The following ADGRL3 variants were observed in gnomAD, a reference collection of about 807,000 sequenced individuals.
The protein encoded by ADGRL3 is adhesion G protein-coupled receptor L3.
Under a neutral mutation model 153.5 loss-of-function variants are expected in ADGRL3, and 62 were observed. That is an observed-to-expected ratio of 0.40 (90% CI 0.33 to 0.50). ADGRL3 has a LOEUF of 0.50. Among genes scored for constraint, ADGRL3 ranks in the 20% least tolerant of loss-of-function variants. ADGRL3 has a pLI of 0.47. For synonymous variants in ADGRL3, 710 were observed against 672.5 expected, an observed-to-expected ratio of 1.06 and a Z score of -0.86; for missense variants, 1,641 against 1,859.4, an observed-to-expected ratio of 0.88 and a Z score of 2.16.
chr4:61,959,423 C>G (rs1408357898), intron 17 of ADGRL3, among the ~76,000 whole-genome samples: 2 of 152,108 alleles, frequency 1.3e-5, no homozygotes, highest in Non-Finnish European at 1.5e-5. Flanking sequence ...AAAGACTTCA[C>G]TTTCTTTAGT....
rs539734020 is a variant in ADGRL3, at chr4:62,031,550, C to T, written c.3531C>T (p.Thr1177=). 6.2e-6 allele frequency: 10 copies of T among 1,610,252 alleles called. No homozygotes were observed. The highest frequency in any genetic ancestry group is 1.7e-5 in the Admixed American group (1 of 59,756). Reference sequence around the variant, plus strand: ...CAGTCATCATGGCCTATCTCTTCACCATTTTCAATTCTCTACAGGGAATGT... The same window carrying T: ...CAGTCATCATGGCCTATCTCTTCACTATTTTCAATTCTCTACAGGGAATGT... ...ESTVIMAYLF[T]IFNSLQGMFI... is the part of the protein sequence containing the mutation. The change falls in exon 23 of 27, where the codon ACC becomes ACT. Residue 1177 remains threonine, a synonymous_variant. Coordinates refer to ENST00000683033, the MANE Select transcript of ADGRL3 (RefSeq NM_001387552.1).
At chr4:61,847,584 G>T (rs1456817400) in intron 9 of ADGRL3, among the ~76,000 whole-genome samples, 1 of 102,166 alleles carries the variant, frequency 9.8e-6, no homozygotes, top group Non-Finnish European at 1.8e-5. Flanking sequence ...GTGTGTGTGT[G>T]TGTATATATA....
intron 2 of ADGRL3, among the ~76,000 whole-genome samples, chr4:61,472,393 C>A (rs189962920): frequency 6.6e-6 from 1 of 152,008 alleles, no homozygotes; most frequent in Non-Finnish European, 1.5e-5. Context: ...TTGGCCAGGG[C>A]GGCAGTCTCA....
intron 4 of ADGRL3, among the ~76,000 whole-genome samples, chr4:61,581,458 A>C (rs2098925136): frequency 6.6e-6 from 1 of 152,042 alleles, no homozygotes; most frequent in South Asian, 2.1e-4. Context: ...CCTCCACGGG[A>C]CAATTCCCTC....
intron 1 of ADGRL3, among the ~76,000 whole-genome samples, chr4:61,366,009 G>A (rs2151588015): frequency 6.6e-6 from 1 of 152,198 alleles, no homozygotes; most frequent in East Asian, 1.9e-4. Flanking sequence ...GTCTGAACTA[G>A]AGTTTACAAC....
chr4:61,934,745 C>T, intron 13 of ADGRL3, 95 bp from the exon 14 acceptor site: 4 of 882,784 alleles, frequency 4.5e-6, no homozygotes, highest in Non-Finnish European at 5.4e-6. Context: ...GCACACACTG[C>T]TGATCCTTGC....
chr4:61,750,155 T>C (rs1004675368), intron 8 of ADGRL3, among the ~76,000 whole-genome samples: 1 of 77,290 alleles, frequency 1.3e-5, no homozygotes, highest in African/African-American at 4.2e-5. Context: ...TGAAAACAAA[T>C]TGAGAAGAAA....
intron 1 of ADGRL3, among the ~76,000 whole-genome samples, chr4:61,207,269 A>G (rs536830279): frequency 1.3e-5 from 2 of 151,666 alleles, no homozygotes; most frequent in East Asian, 2.0e-4. Context: ...TCATTGTTCA[A>G]CTCCAACTTA....
At chr4:61,371,859 C>T (rs2096534338) in intron 1 of ADGRL3, among the ~76,000 whole-genome samples, 1 of 152,202 alleles carries the variant, frequency 6.6e-6, no homozygotes, top group South Asian at 2.1e-4. Context: ...CCATCACTTT[C>T]AGGTACACCA....
intron 6 of ADGRL3, among the ~76,000 whole-genome samples, chr4:61,718,269 C>T (rs1057502207): frequency 1.3e-5 from 2 of 151,894 alleles, no homozygotes; most frequent in African/African-American, 4.8e-5. Flanking sequence ...TTTAAATTTG[C>T]CTTTCTTAAT....
At position 61,655,651 on chromosome 4, in the gene ADGRL3, C is replaced by T. The variant is rs535180140; in HGVS notation, c.474-21175C>T. 7.2e-5 allele frequency among the ~76,000 whole-genome samples: 11 copies of T among 152,200 alleles called. No individual in the cohort carries two copies. In the East Asian group the frequency reaches 1.5e-3, roughly 21 times the overall value. On this transcript the variant is annotated intron_variant, in intron 5 of 26. Coordinates refer to ENST00000683033, the MANE Select transcript of ADGRL3 (RefSeq NM_001387552.1). The stretch of plus-strand genomic sequence containing the variant: ...GGGTTGTGGTCAGTAGCAAGAAGGT[C>T]GTCATTTTTCTCTTAATTGATAGAT...
intron 8 of ADGRL3, among the ~76,000 whole-genome samples, chr4:61,784,284 T>C (rs1445700700): frequency 6.6e-6 from 1 of 152,136 alleles, no homozygotes; most frequent in East Asian, 1.9e-4. Flanking sequence ...AAAGATGAAA[T>C]CTAACACAGC....
chr4:61,590,931 T>C (rs1209204051), intron 5 of ADGRL3, among the ~76,000 whole-genome samples: 1 of 152,196 alleles, frequency 6.6e-6, no homozygotes, highest in Non-Finnish European at 1.5e-5. Flanking sequence ...GCTGTTCTGC[T>C]GTGGACGTTT....
chr4:61,932,297 A>G (rs571889129), intron 13 of ADGRL3, among the ~76,000 whole-genome samples: 1 of 152,256 alleles, frequency 6.6e-6, no homozygotes, highest in Non-Finnish European at 1.5e-5. Context: ...TTCGTTGTGG[A>G]GTATGATGTT....
In ADGRL3 at chr4:61,912,734, C is replaced by T. The variant is rs761017943; in HGVS notation, c.2089C>T (p.Arg697Cys). 3.7e-6 allele frequency: 6 copies of T among 1,612,930 alleles called. No individual in the cohort carries two copies. Among genetic ancestry groups the T allele is most frequent in the Admixed American group, 1.7e-5 (1 of 59,948 alleles). The part of the protein sequence containing the change: ...RSLNKLQKRE[R>C]SCRAYVQAMV... ...ATGGATTCAGCTTCAGAAAAGAGAG[C>T]GCTCTTGCAGAGCCTATGTCCAGGT... The change falls in exon 13 of 27, where the codon CGC becomes TGC. Residue 697 changes from arginine (R) to cysteine (C), a missense_variant. By Grantham distance (180) the Arg-to-Cys change is radical (BLOSUM62 -3). Around this residue, in one of 5 missense-constraint regions of ADGRL3, gnomAD observed 734 missense variants for 797.0 expected, o/e 0.92. Coordinates refer to ENST00000683033, the MANE Select transcript of ADGRL3 (RefSeq NM_001387552.1).
chr4:61,311,369 G>A (rs906899487), intron 1 of ADGRL3, among the ~76,000 whole-genome samples: 1 of 152,180 alleles, frequency 6.6e-6, no homozygotes, highest in Non-Finnish European at 1.5e-5. Flanking sequence ...GCTGTATTTG[G>A]AAGGCCAGGT....
intron 23 of ADGRL3, among the ~76,000 whole-genome samples, chr4:62,033,111 C>A (rs905987533): frequency 6.6e-6 from 1 of 151,650 alleles, no homozygotes; most frequent in Non-Finnish European, 1.5e-5. Flanking sequence ...TGGGGTTGCC[C>A]CATGAAGGGA....
At chr4:61,417,405 T>TGGAACCCGGGAGGA (rs1243129436) in intron 2 of ADGRL3, among the ~76,000 whole-genome samples, 2 of 151,990 alleles carry the variant, frequency 1.3e-5, no homozygotes, top group African/African-American at 4.8e-5. Context: ...AGGATCACTC[T>TGGAACCCGGGAGGA]TGAACCCAGG....
At position 61,503,251 on chromosome 4, in the gene ADGRL3, G is replaced by A. The variant is rs77718146; in HGVS notation, c.55+5903G>A. Among the ~76,000 whole-genome samples the A allele has an allele frequency of 2.4e-4, 36 of 152,018 alleles. No individual in the cohort carries two copies. In the East Asian group the frequency reaches 2.7e-3, roughly 11 times the overall value. On this transcript the variant is annotated intron_variant, in intron 3 of 26. Coordinates refer to ENST00000683033, the MANE Select transcript of ADGRL3 (RefSeq NM_001387552.1). ...CTTTTGTACTTGCAAAAGGTGTTAC[G>A]TATGAATTTAATTGTAGTAATAATC...
Sources: gnomAD v4.1 joint callset for allele counts (sites outside exome capture counted in the v4.1 genomes callset) on GRCh38, gnomAD v4.1.1 for gene constraint, gnomAD v4.1.1 regional missense constraint, MANE v1.5 for transcripts, NCBI Gene and HGNC (gene_info 2026-07-23, HGNC 2026-07-21) for gene names.